The following UBN2 variants were observed in gnomAD, a reference collection of about 807,000 sequenced individuals.
UBN2 encodes ubinuclein 2, also known as ubinuclein-2.
Under a neutral mutation model 120.2 loss-of-function variants are expected in UBN2, and 35 were observed. The observed-to-expected ratio is 0.29, with a 90% CI of 0.22 to 0.39. The LOEUF (loss-of-function observed/expected upper bound fraction) is 0.39, where lower values mean the gene tolerates loss of function less well. UBN2 is among the 10% of genes least tolerant of loss of function. UBN2 has a pLI of 1.00. For missense variants in UBN2, 1,693 were observed against 1,663.2 expected (o/e 1.02, Z -0.31); for synonymous variants, 661 against 648.7 (o/e 1.02, Z -0.29).
chr7:139,313,261 G>T, the UBN2 span, among the ~76,000 whole-genome samples: 2 of 152,014 alleles, frequency 1.3e-5, no homozygotes, highest in Non-Finnish European at 2.9e-5. Flanking sequence ...GAATCTTTAA[G>T]TTACAGATTT....
At chr7:139,270,692 A>C (rs905460759) in intron 8 of UBN2, among the ~76,000 whole-genome samples, 8 of 152,280 alleles carry the variant, frequency 5.3e-5, no homozygotes, top group African/African-American at 1.9e-4. Flanking sequence ...AGCCTAAGCT[A>C]AATAATTCTT....
intron 7 of UBN2, among the ~76,000 whole-genome samples, chr7:139,268,990 T>C (rs1797182017): frequency 6.6e-6 from 1 of 152,182 alleles, no homozygotes; most frequent in African/African-American, 2.4e-5. Context: ...GTGGATCATC[T>C]GAGGTCAGGA....
rs374761786 is a variant in UBN2, at chr7:139,250,423, G to C, written c.562-1533G>C. 1.3e-4 allele frequency among the ~76,000 whole-genome samples: 19 copies of C among 151,742 alleles called. No individual in the cohort carries two copies. The East Asian group carries it at 2.5e-3, about 20-fold the overall frequency. On this transcript the variant is annotated intron_variant, in intron 2 of 17. Coordinates refer to ENST00000473989, the MANE Select transcript of UBN2 (RefSeq NM_173569.4). ...AATTTTTGTATTTTTAGTATAGATGGGCCTCCCGTCATTTTGGCCAGGCTG... is the reference window on the plus strand; with the variant it reads ...AATTTTTGTATTTTTAGTATAGATGCGCCTCCCGTCATTTTGGCCAGGCTG...
chr7:139,237,743 G>T (rs1563201328), intron 2 of UBN2, among the ~76,000 whole-genome samples: 1 of 152,140 alleles, frequency 6.6e-6, no homozygotes, highest in Non-Finnish European at 1.5e-5. Flanking sequence ...ACAGGTCCAG[G>T]TCTGTGTAGC....
intron 15 of UBN2, among the ~76,000 whole-genome samples, chr7:139,290,042 C>T (rs982603212): frequency 3.3e-5 from 5 of 152,010 alleles, no homozygotes; most frequent in Non-Finnish European, 5.9e-5. Context: ...TACAGGCATG[C>T]GCCACCACAC....
At position 139,261,687 on chromosome 7, in the gene UBN2, A is replaced by G. The variant is rs202031414; in HGVS notation, c.1341A>G (p.Thr447=). 1 of 1,614,138 alleles carries G rather than the reference A, an allele frequency of 6.2e-7. No individual in the cohort carries two copies. The highest frequency in any genetic ancestry group is 2.2e-5 in the East Asian group (1 of 44,890). ...AGGTTATGCCCAAAGTGGTACCTAC[A>G]CTCCCAGAGGGTCTACCTGTACTTC... The part of the protein sequence containing the change: ...TSQVMPKVVP[T]LPEGLPVLLE... Residue 447 remains threonine (T), a synonymous_variant, in exon 6 of 18, where the codon ACA becomes ACG. Transcript: ENST00000473989.
At chr7:139,295,433 G>C (rs1008432409) in intron 17 of UBN2, among the ~76,000 whole-genome samples, 50 of 152,274 alleles carry the variant, frequency 3.3e-4, no homozygotes, top group African/African-American at 1.2e-3. Flanking sequence ...GCTGAGGGTA[G>C]TGTACTCATG....
At chr7:139,235,784 A>G (rs1796148983) in intron 1 of UBN2, among the ~76,000 whole-genome samples, 1 of 152,244 alleles carries the variant, frequency 6.6e-6, no homozygotes, top group South Asian at 2.1e-4. Context: ...AATTGATTTT[A>G]AAGTTAACTC....
intron 17 of UBN2, among the ~76,000 whole-genome samples, chr7:139,295,929 A>G (rs928155620): frequency 4.6e-5 from 7 of 152,158 alleles, no homozygotes; most frequent in African/African-American, 1.7e-4. Flanking sequence ...CCCCCCAAAA[A>G]AAAAAGTTTA....
intron 8 of UBN2, among the ~76,000 whole-genome samples, chr7:139,270,415 C>T (rs1023913731): frequency 2.0e-5 from 3 of 151,852 alleles, no homozygotes; most frequent in Admixed American, 1.3e-4. Flanking sequence ...ATTACAGGCA[C>T]CCGCCATCAT....
At chr7:139,282,173 T>A (rs1007356697) in intron 14 of UBN2, 118 bp downstream of exon 14, 4 of 725,710 alleles carry the variant, frequency 5.5e-6, no homozygotes, top group Non-Finnish European at 9.0e-6. Context: ...GGCTTTTGCT[T>A]CTCAGTCTTA....
At chr7:139,286,324 A>G (rs543339787) in intron 15 of UBN2, among the ~76,000 whole-genome samples, 1 of 152,184 alleles carries the variant, frequency 6.6e-6, no homozygotes, top group African/African-American at 2.4e-5. Context: ...TCCGCCTCCC[A>G]AAGTCCTGGG....
intron 2 of UBN2, among the ~76,000 whole-genome samples, chr7:139,241,888 T>C (rs926592270): frequency 2.0e-5 from 3 of 151,936 alleles, no homozygotes; most frequent in African/African-American, 7.3e-5. Flanking sequence ...ATTCCAGATA[T>C]TCGGGAGACT....
At chr7:139,275,199 A>G (rs1797405475) in intron 11 of UBN2, among the ~76,000 whole-genome samples, 1 of 144,628 alleles carries the variant, frequency 6.9e-6, no homozygotes, top group Non-Finnish European at 1.5e-5. Flanking sequence ...AATCACTTGA[A>G]CCCGGGAGGC....
Position 139,307,957 on chromosome 7 carries a change from T to C in UBN2, c.*10121T>C, listed in dbSNP as rs1798391428. 6.6e-6 allele frequency: 1 copy of C among 151,874 alleles called. No individual in the cohort carries two copies. Among genetic ancestry groups the C allele is most frequent in the African/African-American group, 2.4e-5 (1 of 41,380 alleles). 9.4% of individuals were successfully genotyped at this position (151,874 alleles called of 1,614,324 possible). On this transcript the variant is annotated 3_prime_UTR_variant, in exon 18 of 18. Transcript: ENST00000473989. ...ATATGTGAGAGGGCATAAACATTCC[T>C]AAATATGGACCTGTGAATTTAGTAA...
At chr7:139,275,776 C>G (rs1156965329) in intron 11 of UBN2, among the ~76,000 whole-genome samples, 1 of 151,940 alleles carries the variant, frequency 6.6e-6, no homozygotes, top group Non-Finnish European at 1.5e-5. Context: ...GATTCAAGAC[C>G]AGCCTGGGCA....
At chr7:139,274,216 T>A in intron 11 of UBN2, 142 bp downstream of exon 11, 2 of 811,428 alleles carry the variant, frequency 2.5e-6, no homozygotes, top group African/African-American at 1.8e-5. Context: ...TCTCAGATGA[T>A]CCTTGCTTTG....
At position 139,283,382 on chromosome 7, in the gene UBN2, C is replaced by T; in HGVS notation, c.2477C>T (p.Thr826Ile). ...CCCAAAAAACTAGATTCTACTCAGA[C>T]TACACATTCTTCAAGTCTTATTGCT... is the stretch of plus-strand genomic sequence containing the variant. ...ATPKKLDSTQ[T>I]THSSSLIAGH... Residue 826 changes from threonine (T) to isoleucine (I), a missense_variant, in exon 15 of 18, where the codon ACT (threonine) becomes ATT (isoleucine). By Grantham distance (89) the Thr-to-Ile change is moderately conservative. Around this residue, in one of 5 missense-constraint regions of UBN2, gnomAD observed 837 missense variants for 817.6 expected, o/e 1.02. Coordinates refer to ENST00000473989, the MANE Select transcript of UBN2 (RefSeq NM_173569.4). The T allele has an allele frequency of 2.5e-6, 4 of 1,614,042 alleles. No individual in the cohort carries two copies. The highest frequency in any genetic ancestry group is 2.5e-6 in the Non-Finnish European group (3 of 1,180,014).
rs1798396906 is a variant in UBN2 at position 139,308,089 on chromosome 7, C to T, written c.*10253C>T. On this transcript the variant is annotated 3_prime_UTR_variant, in exon 18 of 18. Coordinates refer to ENST00000473989, the MANE Select transcript of UBN2 (RefSeq NM_173569.4). ...TCATATTCCAGGTGTAGCTAGCAAA[C>T]CCCTGTTTTTGAAGCAAGAGCCTTA... 1 of 150,946 alleles carries T rather than the reference C, an allele frequency of 6.6e-6. No individual in the cohort carries two copies. The highest frequency in any genetic ancestry group is 2.4e-5 in the African/African-American group (1 of 40,932). 9.4% of individuals were successfully genotyped at this position (150,946 alleles called of 1,614,324 possible).
Sources: allele counts gnomAD v4.1 joint callset (sites outside exome capture counted in the v4.1 genomes callset), GRCh38; gene constraint gnomAD v4.1.1; regional missense constraint gnomAD v4.1.1; transcripts MANE v1.5; gene names NCBI Gene and HGNC (gene_info 2026-07-23, HGNC 2026-07-21).